SHANK2: variants seen among roughly 807,000 people sequenced by gnomAD.
The protein encoded by SHANK2 is SH3 and multiple ankyrin repeat domains 2.
In SHANK2, 43 loss-of-function variants were observed where a neutral mutation model predicts 133.7. The ratio of observed to expected loss-of-function variants is 0.32; its 90% confidence interval spans 0.25 to 0.41. The LOEUF (loss-of-function observed/expected upper bound fraction) is 0.41, where lower values mean the gene tolerates loss of function less well. SHANK2 is among the 10% of genes least tolerant of loss of function. The pLI is 1.00. For missense variants in SHANK2, 1,994 were observed against 2,235.8 expected, an observed-to-expected ratio of 0.89 and a Z score of 2.18; for synonymous variants, 1,017 against 952.8, an observed-to-expected ratio of 1.07 and a Z score of -1.24.
chr11:70,570,028 C>A (rs548839565), intron 17 of SHANK2, among the ~76,000 whole-genome samples: 1 of 152,206 alleles, frequency 6.6e-6, no homozygotes, highest in East Asian at 1.9e-4. Context: ...TCTCCCCCTG[C>A]ACATTATTCA....
chr11:70,504,181 G>A (rs2155901), intron 17 of SHANK2, among the ~76,000 whole-genome samples: 1,900 of 152,344 alleles, frequency 0.012, 17 homozygotes, highest in Middle Eastern at 0.024. Flanking sequence ...TGTGCTGTAC[G>A]CATATCCTCC....
intron 11 of SHANK2, among the ~76,000 whole-genome samples, chr11:70,889,473 T>C (rs1317607829): frequency 2.0e-5 from 3 of 152,130 alleles, no homozygotes; most frequent in Non-Finnish European, 4.4e-5. Context: ...ACACAGCCCA[T>C]CCCTGGGTCC....
At chr11:71,192,827 A>G (rs1273994538) in intron 2 of SHANK2, among the ~76,000 whole-genome samples, 1 of 152,260 alleles carries the variant, frequency 6.6e-6, no homozygotes, top group African/African-American at 2.4e-5. Context: ...TGATAGGAAA[A>G]GGTGACACCC....
At chr11:70,766,967 C>T (rs1031605623) in intron 14 of SHANK2, among the ~76,000 whole-genome samples, 3 of 152,150 alleles carry the variant, frequency 2.0e-5, no homozygotes, top group Non-Finnish European at 4.4e-5. Context: ...ACTAGCTGTC[C>T]GGGAGATGTG....
intron 11 of SHANK2, among the ~76,000 whole-genome samples, chr11:70,869,252 G>C (rs188916181): frequency 1.5e-4 from 23 of 152,324 alleles, no homozygotes; most frequent in Admixed American, 1.5e-3. Context: ...AAGCCTCCCT[G>C]TCTGTGGTGC....
chr11:71,204,258 GAA>G (rs1954082434), intron 2 of SHANK2, among the ~76,000 whole-genome samples: 1 of 152,232 alleles, frequency 6.6e-6, no homozygotes, highest in Non-Finnish European at 1.5e-5. Flanking sequence ...AAACTCCATG[GAA>G]ATGATCTGGA....
chr11:70,559,763 C>T (rs1219955439), intron 17 of SHANK2, among the ~76,000 whole-genome samples: 1 of 152,168 alleles, frequency 6.6e-6, no homozygotes, highest in Non-Finnish European at 1.5e-5. Flanking sequence ...GCCCAGTCCC[C>T]TCCTGCCCAA....
At chr11:70,782,825 A>C (rs1326154642) in intron 14 of SHANK2, among the ~76,000 whole-genome samples, 4 of 152,200 alleles carry the variant, frequency 2.6e-5, no homozygotes, top group African/African-American at 7.2e-5. Context: ...TCACAACCAT[A>C]TCATCATCGC....
chr11:70,675,381 A>T (rs1446684456), intron 15 of SHANK2, among the ~76,000 whole-genome samples: 1 of 152,200 alleles, frequency 6.6e-6, no homozygotes. Context: ...AGCTGTGATG[A>T]CGCTCACTTT....
chr11:70,914,668 T>TAAATA (rs370532876), intron 10 of SHANK2, among the ~76,000 whole-genome samples: 13,073 of 107,192 alleles, frequency 0.12, 1,110 homozygotes, highest in Non-Finnish European at 0.15. Flanking sequence ...ACAAAAAAAA[T>TAAATA]AAATAAAATA....
rs1948202352 is a variant in SHANK2 at position 71,252,492 on chromosome 11, G to C, written c.-180C>G. The C allele has an allele frequency of 6.6e-6, 1 of 151,376 alleles. No homozygotes were observed. The highest frequency in any genetic ancestry group is 2.0e-4 in the East Asian group (1 of 5,096). The allele number at this position is 151,376 out of a possible 1,614,324, so 9.4% of individuals were successfully genotyped here. Reference sequence around the variant, plus strand: ...GCCAGCGTCCGCGCACACCTGGATCGGCCGCGGGAACCCGAGCGGCGCCGC... The same window carrying C: ...GCCAGCGTCCGCGCACACCTGGATCCGCCGCGGGAACCCGAGCGGCGCCGC... On this transcript the variant is annotated 5_prime_UTR_variant, in exon 1 of 26. Coordinates refer to ENST00000601538, the MANE Select transcript of SHANK2 (RefSeq NM_012309.5). This position sits in a 1 kb window ranked among gnomAD's most constrained non-coding sequence, Gnocchi z 6.3.
intron 15 of SHANK2, among the ~76,000 whole-genome samples, chr11:70,695,267 A>AT (rs566850794): frequency 4.2e-4 from 64 of 152,224 alleles, no homozygotes; most frequent in African/African-American, 1.5e-3. Context: ...GAATGTCTTA[A>AT]TACCACTAGA....
At chr11:70,893,527 C>T (rs541675640) in intron 11 of SHANK2, among the ~76,000 whole-genome samples, 6 of 152,352 alleles carry the variant, frequency 3.9e-5, no homozygotes, top group Non-Finnish European at 7.4e-5. Context: ...GACTCAGCCT[C>T]CACACCCTTC....
chr11:71,242,252 T>G (rs1482560451), intron 1 of SHANK2, among the ~76,000 whole-genome samples: 2 of 152,040 alleles, frequency 1.3e-5, no homozygotes, highest in Admixed American at 1.3e-4. Flanking sequence ...TTGCTAGTGT[T>G]TAGTGGGGAC....
At chr11:70,939,925 G>C (rs1555084066) in intron 10 of SHANK2, among the ~76,000 whole-genome samples, 1 of 152,156 alleles carries the variant, frequency 6.6e-6, no homozygotes, top group African/African-American at 2.4e-5. Context: ...CCTTCTAAGA[G>C]GGTGATTTGA....
In SHANK2 at chr11:70,518,950, C is replaced by T. The variant is rs560586223; in HGVS notation, c.2062-16019G>A. Among the ~76,000 whole-genome samples, 3 of 152,356 alleles carry T rather than the reference C, an allele frequency of 2.0e-5. No individual in the cohort carries two copies. In the South Asian group the frequency reaches 6.2e-4, roughly 32 times the overall value. ...CTTGAGACAGGGTCTTGCTCTGTCA[C>T]CCAGGCTGGAGTGCAGCGGCATGAT... is the stretch of plus-strand genomic sequence containing the variant. On this transcript the variant is annotated intron_variant, in intron 17 of 25. Transcript: ENST00000601538.
intron 17 of SHANK2, among the ~76,000 whole-genome samples, chr11:70,652,870 T>C (rs1555010487): frequency 6.6e-6 from 1 of 152,146 alleles, no homozygotes; most frequent in East Asian, 1.9e-4. Flanking sequence ...AGCAGTCCAG[T>C]GCTAAGAGCC....
intron 11 of SHANK2, among the ~76,000 whole-genome samples, chr11:70,888,877 A>G (rs1477189622): frequency 2.6e-5 from 4 of 152,092 alleles, no homozygotes; most frequent in African/African-American, 9.7e-5. Flanking sequence ...TGGAGTGAAC[A>G]AGAGCTGGGG....
At position 71,083,051 on chromosome 11, in the gene SHANK2, C is replaced by T. The variant is rs1951323236; in HGVS notation, c.913-7776G>A. Among the ~76,000 whole-genome samples the T allele has an allele frequency of 1.3e-5, 2 of 151,522 alleles. 1 individual carries two copies. Among genetic ancestry groups the T allele is most frequent in the Non-Finnish European group, 2.9e-5 (2 of 67,950 alleles). On this transcript the variant is annotated intron_variant, in intron 8 of 25. Transcript: ENST00000601538. ...GCCTCCACCTCCAGGCTCAGGGGGTCCTCCCACCTCAGCCTCCAAAGTAGC... is the reference window on the plus strand; with the variant it reads ...GCCTCCACCTCCAGGCTCAGGGGGTTCTCCCACCTCAGCCTCCAAAGTAGC...
Sources: gnomAD v4.1 joint callset for allele counts (sites outside exome capture counted in the v4.1 genomes callset) on GRCh38, gnomAD v4.1.1 for gene constraint, Gnocchi (gnomAD v3.1) non-coding constraint, MANE v1.5 for transcripts, NCBI Gene and HGNC (gene_info 2026-07-23, HGNC 2026-07-21) for gene names.